The following PARVA variants were observed in gnomAD, a reference collection of about 807,000 sequenced individuals.
PARVA encodes the protein parvin alpha, also known as alpha-parvin.
A neutral mutation model predicts 52.6 loss-of-function variants in PARVA; 25 were observed. The observed-to-expected ratio is 0.48, with a 90% CI of 0.35 to 0.66. The LOEUF is 0.66. Ranked by LOEUF, PARVA falls within the 30% of genes least tolerant of loss-of-function variation. The pLI, the probability that PARVA is intolerant of heterozygous loss-of-function variation, is 0.01. For synonymous variants in PARVA, 185 were observed against 179.1 expected, an observed-to-expected ratio of 1.03 and a Z score of -0.26; for missense variants, 373 against 450.9, an observed-to-expected ratio of 0.83 and a Z score of 1.56.
chr11:12,399,048 A>C (rs996702503), intron 1 of PARVA, among the ~76,000 whole-genome samples: 2 of 152,210 alleles, frequency 1.3e-5, no homozygotes, highest in African/African-American at 2.4e-5. Flanking sequence ...GAGGTTGAGC[A>C]ACTAGCCCAT....
At chr11:12,444,402 A>T (rs968717154) in intron 1 of PARVA, among the ~76,000 whole-genome samples, 1 of 152,050 alleles carries the variant, frequency 6.6e-6, no homozygotes, top group African/African-American at 2.4e-5. Flanking sequence ...GACTGAACCA[A>T]TCCTTATGTA....
chr11:12,378,103 C>T (rs1399514955), intron 1 of PARVA, among the ~76,000 whole-genome samples: 2 of 151,528 alleles, frequency 1.3e-5, no homozygotes, highest in East Asian at 3.9e-4. Context: ...GCGGCGGGAC[C>T]GGAGCCCAGG....
chr11:12,449,125 CATTT>C (rs560178447), intron 1 of PARVA, among the ~76,000 whole-genome samples: 20 of 151,514 alleles, frequency 1.3e-4, no homozygotes, highest in East Asian at 5.8e-4. Context: ...CCAAAAGGGG[CATTT>C]ATTTATTTAT....
chr11:12,521,412 T>TA (rs1235495658), intron 12 of PARVA, among the ~76,000 whole-genome samples: 2 of 152,262 alleles, frequency 1.3e-5, no homozygotes, highest in African/African-American at 4.8e-5. Flanking sequence ...GCTGGTGTTC[T>TA]AAATTGCTAG....
chr11:12,393,545 T>C (rs1222250127), intron 1 of PARVA, among the ~76,000 whole-genome samples: 2 of 152,178 alleles, frequency 1.3e-5, no homozygotes, highest in South Asian at 2.1e-4. Context: ...TTTCATCTTA[T>C]GGCTCTACCT....
At chr11:12,474,213 C>G (rs2135036820) in intron 3 of PARVA, among the ~76,000 whole-genome samples, 1 of 152,198 alleles carries the variant, frequency 6.6e-6, no homozygotes, top group Non-Finnish European at 1.5e-5. Flanking sequence ...CAGCACCAGA[C>G]AGTTCAGTAC....
intron 1 of PARVA, among the ~76,000 whole-genome samples, chr11:12,453,636 A>G (rs891309576): frequency 2.0e-5 from 3 of 152,212 alleles, no homozygotes; most frequent in African/African-American, 4.8e-5. Flanking sequence ...TGATGTGCAC[A>G]TAAGTTTTTG....
chr11:12,382,095 A>T (rs765810298), intron 1 of PARVA, among the ~76,000 whole-genome samples: 7 of 152,234 alleles, frequency 4.6e-5, no homozygotes, highest in Non-Finnish European at 7.3e-5. Flanking sequence ...AGATACTTGC[A>T]GCGCTTGAGC....
chr11:12,423,254 T>C (rs1472645107), intron 1 of PARVA, among the ~76,000 whole-genome samples: 1 of 150,942 alleles, frequency 6.6e-6, no homozygotes, highest in Non-Finnish European at 1.5e-5. Flanking sequence ...ACACAGCTCA[T>C]TATAGCCTTG....
intron 10 of PARVA, among the ~76,000 whole-genome samples, chr11:12,516,088 C>T (rs1262290042): frequency 1.3e-5 from 2 of 152,224 alleles, no homozygotes; most frequent in East Asian, 3.9e-4. Context: ...ATCCGCCTGC[C>T]TCAGCCTCCC....
At chr11:12,482,494 T>C (rs11022370) in intron 4 of PARVA, among the ~76,000 whole-genome samples, 62,879 of 151,500 alleles carry the variant, frequency 0.42, 13,635 homozygotes, top group East Asian at 0.67. Flanking sequence ...GGCGTGGTGG[T>C]GGGCACCTGC....
chr11:12,527,685 C>G (rs1941721013), intron 12 of PARVA, among the ~76,000 whole-genome samples, 164 bp from the exon 13 acceptor site: 1 of 152,316 alleles, frequency 6.6e-6, no homozygotes, highest in South Asian at 2.1e-4. Flanking sequence ...CACCTCTACC[C>G]TCACTGCCCC....
intron 1 of PARVA, among the ~76,000 whole-genome samples, chr11:12,391,042 A>T (rs1458819927): frequency 1.3e-5 from 2 of 152,134 alleles, no homozygotes; most frequent in African/African-American, 4.8e-5. Flanking sequence ...GAACAGAATG[A>T]TCCCTTTGCC....
intron 5 of PARVA, among the ~76,000 whole-genome samples, chr11:12,500,962 G>A (rs186737586): frequency 6.6e-6 from 1 of 151,924 alleles, no homozygotes; most frequent in Admixed American, 6.6e-5. Context: ...CACAAAAATT[G>A]CCAGGTATGG....
chr11:12,435,594 A>G (rs114064481), intron 1 of PARVA, among the ~76,000 whole-genome samples: 73 of 152,284 alleles, frequency 4.8e-4, no homozygotes, highest in African/African-American at 1.7e-3. Context: ...TGAGTGTACA[A>G]ACTCTCATAG....
chr11:12,432,499 T>C (rs1344615), intron 1 of PARVA, among the ~76,000 whole-genome samples: 135,820 of 152,218 alleles, frequency 0.89, 60,976 homozygotes, highest in East Asian at 0.99. Context: ...TGTCTCCCAA[T>C]GGCTCTGCCG....
chr11:12,451,246 G>A (rs1940620149), intron 1 of PARVA, among the ~76,000 whole-genome samples: 1 of 152,112 alleles, frequency 6.6e-6, no homozygotes, highest in Admixed American at 6.5e-5. Flanking sequence ...GAGTTCTCTG[G>A]TTTCTCCTGG....
At chr11:12,465,568 ACT>A (rs1283605392) in intron 1 of PARVA, among the ~76,000 whole-genome samples, 4 of 151,660 alleles carry the variant, frequency 2.6e-5, no homozygotes, top group African/African-American at 7.3e-5. Context: ...TTATCTTTTT[ACT>A]CTCTCTAGTT....
rs542635305 is a variant in PARVA at position 12,463,084 on chromosome 11, A to G, written c.137-10661A>G. Among the ~76,000 whole-genome samples, 7 of 152,214 alleles carry G rather than the reference A, an allele frequency of 4.6e-5. No homozygotes were observed. The South Asian group carries it at 1.0e-3, about 23-fold the overall frequency. On this transcript the variant is annotated intron_variant, in intron 1 of 12. Coordinates refer to ENST00000334956, the MANE Select transcript of PARVA (RefSeq NM_018222.5). ...GATCTACCAAAAAAAAAAATTGCAA[A>G]GGGAGTACAGAGTTTTCGTATATCC...
Sources: gnomAD v4.1 joint callset for allele counts (sites outside exome capture counted in the v4.1 genomes callset) on GRCh38, gnomAD v4.1.1 for gene constraint, MANE v1.5 for transcripts, NCBI Gene and HGNC (gene_info 2026-07-23, HGNC 2026-07-21) for gene names.